The following IAH1 variants were observed in gnomAD, a reference collection of about 807,000 sequenced individuals.
IAH1 encodes isoamyl acetate-hydrolyzing esterase 1 homolog.
Under a neutral mutation model 26.7 loss-of-function variants are expected in IAH1, and 24 were observed. The observed-to-expected ratio is 0.90, with a 90% CI of 0.65 to 1.26. The LOEUF is 1.26. IAH1 is among the 50% of genes most tolerant of loss of function. The probability of loss-of-function intolerance (pLI) is 0.00; values close to 1 mark genes in which losing one functional copy is unlikely to be tolerated. For missense variants in IAH1, 300 were observed against 299.9 expected, an observed-to-expected ratio of 1.00 and a Z score of 0.00; for synonymous variants, 140 against 118.5, an observed-to-expected ratio of 1.18 and a Z score of -1.18.
chr2:9,508,108 C>T, the IAH1 span, among the ~76,000 whole-genome samples: 6 of 152,206 alleles, frequency 3.9e-5, no homozygotes, highest in Non-Finnish European at 8.8e-5. Context: ...CAAAGTAAAA[C>T]ATTTTGCTCC....
rs1661814129 is a variant in IAH1 at position 9,488,804 on chromosome 2, A to AAT, written c.*476_*477dup. 2 of 152,242 alleles carry AAT rather than the reference A, an allele frequency of 1.3e-5. No homozygotes were observed. Among genetic ancestry groups the AAT allele is most frequent in the African/African-American group, 4.8e-5 (2 of 41,444 alleles). The allele number at this position is 152,242 out of a possible 1,614,324, so 9.4% of individuals were successfully genotyped here. A position where few individuals can be genotyped will look rare whatever the true frequency, so the allele number is the denominator to read the frequency against. On this transcript the variant is annotated 3_prime_UTR_variant, in exon 6 of 6. Coordinates refer to ENST00000497473, the MANE Select transcript of IAH1 (RefSeq NM_001039613.3). ...TATCTGAGTAACAAATGTCCTTGGA[A>AAT]ATGGGGGGTAGGAGGAGATATGATT...
Position 9,474,752 on chromosome 2 carries a change from G to T in IAH1, c.81+105G>T. The stretch of plus-strand genomic sequence containing the variant: ...TCCTCTTCGGCGCCCGAGACGGCTG[G>T]GCCGGAGGCCTGGCCACGCCCGTGG... On this transcript the variant is annotated intron_variant, in intron 1 of 5. Coordinates refer to ENST00000497473, the MANE Select transcript of IAH1 (RefSeq NM_001039613.3). This position sits in a 1 kb window ranked among gnomAD's most constrained non-coding sequence, Gnocchi z 4.3. 1.1e-6 allele frequency: 1 copy of T among 870,686 alleles called. No individual in the cohort carries two copies. The highest frequency in any genetic ancestry group is 1.8e-5 in the South Asian group (1 of 54,200). The allele number at this position is 870,686 out of a possible 1,614,324, so 53.9% of individuals were successfully genotyped here.
At chr2:9,479,336 A>G (rs565800323) in intron 3 of IAH1, among the ~76,000 whole-genome samples, 2 of 152,328 alleles carry the variant, frequency 1.3e-5, no homozygotes, top group East Asian at 3.9e-4. Flanking sequence ...CAGGTTTATG[A>G]AATAAAATAG....
chr2:9,475,244 A>G (rs1682415025), intron 1 of IAH1: 1 of 1,265,596 alleles, frequency 7.9e-7, no homozygotes, highest in East Asian at 5.6e-5. Flanking sequence ...GGGAGTAGAA[A>G]TTCCATTCCT....
the IAH1 span, chr2:9,510,152 A>G: frequency 6.2e-7 from 1 of 1,613,634 alleles, no homozygotes; most frequent in Non-Finnish European, 8.5e-7. Context: ...ATGCAAAGAA[A>G]ACATTATTTC....
the IAH1 span, chr2:9,509,963 C>A: frequency 6.2e-7 from 1 of 1,613,028 alleles, no homozygotes; most frequent in South Asian, 1.1e-5. Flanking sequence ...ATAAAAAATT[C>A]TCGACACACA....
chr2:9,490,280 G>A, downstream of IAH1: 1 of 1,614,174 alleles, frequency 6.2e-7, no homozygotes. Context: ...ATCCTCAAAT[G>A]ACTTGGCAGC....
chr2:9,490,130 C>G, downstream of IAH1: 1 of 1,497,556 alleles, frequency 6.7e-7, no homozygotes, highest in South Asian at 1.3e-5. Context: ...TAGGTCAAAT[C>G]TATAAAAATA....
chr2:9,484,070 C>G (rs759928639), intron 4 of IAH1, among the ~76,000 whole-genome samples: 7 of 152,210 alleles, frequency 4.6e-5, no homozygotes, highest in Non-Finnish European at 8.8e-5. Context: ...TAGTGCAGCC[C>G]TTACCAGCCC....
At chr2:9,511,294 C>T in the IAH1 span, among the ~76,000 whole-genome samples, 1 of 151,848 alleles carries the variant, frequency 6.6e-6, no homozygotes, top group Admixed American at 6.6e-5. Flanking sequence ...ACTAAAAATA[C>T]AAAAAATTAG....
Position 9,474,610 on chromosome 2 carries a change from G to A in IAH1, c.44G>A (p.Trp15Ter). The A allele has an allele frequency of 6.4e-7, 1 of 1,554,892 alleles. No homozygotes were observed. The highest frequency in any genetic ancestry group is 1.2e-5 in the South Asian group (1 of 85,440). Residue 15 changes from tryptophan to a stop codon, truncating the protein, a stop_gained, in exon 1 of 6, where the codon TGG becomes TAG. Coordinates refer to ENST00000497473, the MANE Select transcript of IAH1 (RefSeq NM_001039613.3). LOFTEE classifies it high-confidence loss of function. This position sits in a 1 kb window ranked among gnomAD's most constrained non-coding sequence, Gnocchi z 4.3. ...EAAGCGSALL[W>*]PRLLLFGDSI... ...GCGGGCTGCGGGAGTGCCCTGCTCTGGCCTCGCTTGTTGCTCTTCGGGGAC... is the reference window on the plus strand; with the variant it reads ...GCGGGCTGCGGGAGTGCCCTGCTCTAGCCTCGCTTGTTGCTCTTCGGGGAC...
At chr2:9,493,174 T>C (rs1232533965), downstream of IAH1, among the ~76,000 whole-genome samples, 1 of 152,170 alleles carries the variant, frequency 6.6e-6, no homozygotes, top group Non-Finnish European at 1.5e-5. Flanking sequence ...TTTAAAGAAA[T>C]AGCCCTCATA....
downstream of IAH1, chr2:9,490,389 C>A (rs1481559939): frequency 6.2e-7 from 1 of 1,614,066 alleles, no homozygotes; most frequent in Non-Finnish European, 8.5e-7. Flanking sequence ...CTCTGGTGGT[C>A]CAGTTTTGGA....
chr2:9,485,747 G>GAT (rs1363857616), intron 5 of IAH1: 1 of 152,368 alleles, frequency 6.6e-6, no homozygotes, highest in African/African-American at 2.4e-5. Context: ...GTTCCACACA[G>GAT]ATACTGGTGA....
At chr2:9,497,950 A>G (rs966314703), downstream of IAH1, among the ~76,000 whole-genome samples, 1 of 152,150 alleles carries the variant, frequency 6.6e-6, no homozygotes, top group Non-Finnish European at 1.5e-5. Context: ...CATGACAGCA[A>G]TGATCAAATC....
Position 9,474,800 on chromosome 2 carries a change from C to T in IAH1, c.81+153C>T, listed in dbSNP as rs965219148. On this transcript the variant is annotated intron_variant, in intron 1 of 5. Transcript: ENST00000497473. This position sits in a 1 kb window ranked among gnomAD's most constrained non-coding sequence, Gnocchi z 4.3. ...TGGAGACACCGGAGGAGTGGCGGGT[C>T]CCCCAGTGGCTGCGCCTTCCGGGCC... 11 of 567,560 alleles carry T rather than the reference C, an allele frequency of 1.9e-5. No homozygotes were observed. In the Admixed American group the frequency reaches 2.3e-4, roughly 12 times the overall value. 35.2% of individuals were successfully genotyped at this position (567,560 alleles called of 1,614,324 possible).
the IAH1 span, chr2:9,505,583 T>C: frequency 1.8e-6 from 1 of 564,622 alleles, no homozygotes; most frequent in Non-Finnish European, 3.2e-6. Flanking sequence ...GTGAACTTGG[T>C]TAAGGATCTA....
chr2:9,475,654 C>T (rs1400461317), intron 1 of IAH1: 1 of 338,860 alleles, frequency 3.0e-6, no homozygotes, highest in East Asian at 7.0e-5. Flanking sequence ...ACGTGCGCCA[C>T]CACACCGGGC....
the IAH1 span, among the ~76,000 whole-genome samples, chr2:9,502,620 C>G: frequency 6.6e-6 from 1 of 151,862 alleles, no homozygotes; most frequent in Admixed American, 6.6e-5. Flanking sequence ...ACCTATAATC[C>G]CAACCCAACA....
Sources: allele counts gnomAD v4.1 joint callset (sites outside exome capture counted in the v4.1 genomes callset), GRCh38; gene constraint gnomAD v4.1.1; non-coding constraint Gnocchi (gnomAD v3.1); transcripts MANE v1.5; gene names NCBI Gene and HGNC (gene_info 2026-07-23, HGNC 2026-07-21).